The following NHSL2 variants were observed in gnomAD, a reference collection of about 807,000 sequenced individuals.
NHSL2 encodes NHS like 2.
In NHSL2, 27 loss-of-function variants were observed where a neutral mutation model predicts 53.4. The ratio of observed to expected loss-of-function variants is 0.51; its 90% CI spans 0.37 to 0.70. The LOEUF is 0.70. Among genes scored for constraint, NHSL2 ranks in the 30% least tolerant of loss-of-function variants. NHSL2 has a pLI of 0.00. For missense variants in NHSL2, 892 were observed against 980.1 expected, an observed-to-expected ratio of 0.91 and a Z score of 1.20; for synonymous variants, 408 against 404.1, an observed-to-expected ratio of 1.01 and a Z score of -0.12.
intron 1 of NHSL2, among the ~76,000 whole-genome samples, chrX:72,121,177 CG>C (rs2042178778): frequency 8.9e-6 from 1 of 112,026 alleles, no homozygotes; most frequent in Non-Finnish European, 1.9e-5. Flanking sequence ...AGCTGACAGA[CG>C]GTAAAGTCAG....
At chrX:71,958,146 C>T (rs917428906) in intron 1 of NHSL2, among the ~76,000 whole-genome samples, 1 of 110,736 alleles carries the variant, frequency 9.0e-6, no homozygotes, top group African/African-American at 3.3e-5. Flanking sequence ...AGACTTAGGG[C>T]CAGAAGTCTC....
rs1191331592 is a variant in NHSL2, at chrX:72,132,097, G to A, written c.299G>A (p.Arg100Gln). Residue 100 changes from arginine to glutamine, a missense_variant, in exon 2 of 8, where the codon CGG (arginine) becomes CAG (glutamine). Physicochemically the swap from Arg to Gln is conservative, Grantham distance 43. Coordinates refer to ENST00000633930, the MANE Select transcript of NHSL2 (RefSeq NM_001013627.3). ...TCCCTAGCTGCAGCTAACTCGGGTC[G>A]GGAAAATGCGACAGCGACTGCCCAC... The part of the protein sequence containing the change: ...EEELAAANSG[R>Q]ENATATAHSR... 6 of 1,165,462 alleles carry A rather than the reference G, an allele frequency of 5.1e-6. No individual in the cohort carries two copies. The highest frequency in any genetic ancestry group is 2.6e-5 in the Admixed American group (1 of 38,627).
At chrX:72,117,878 A>T (rs1300939804) in intron 1 of NHSL2, among the ~76,000 whole-genome samples, 1 of 108,142 alleles carries the variant, frequency 9.2e-6, no homozygotes, top group Non-Finnish European at 1.9e-5. Flanking sequence ...CAGTTGATGA[A>T]CATTTTGACT....
intron 1 of NHSL2, among the ~76,000 whole-genome samples, chrX:72,113,976 AT>A (rs1184509343): frequency 8.9e-6 from 1 of 112,034 alleles, no homozygotes; most frequent in Admixed American, 9.4e-5. Context: ...CTGAGTCTTC[AT>A]TTTCCCATTC....
chrX:72,101,886 G>C (rs1047304272), intron 1 of NHSL2, among the ~76,000 whole-genome samples: 2 of 111,752 alleles, frequency 1.8e-5, no homozygotes, highest in Admixed American at 1.9e-4. Context: ...AATCATGCCT[G>C]GGCTAGGAAG....
chrX:71,957,521 C>G (rs1438559375), intron 1 of NHSL2, among the ~76,000 whole-genome samples: 1 of 112,005 alleles, frequency 8.9e-6, no homozygotes, highest in Non-Finnish European at 1.9e-5. Context: ...CTGACTTGGC[C>G]TCCCAAAGTG....
chrX:71,926,426 G>T (rs1237205921), intron 1 of NHSL2, among the ~76,000 whole-genome samples: 2 of 111,655 alleles, frequency 1.8e-5, no homozygotes, highest in African/African-American at 6.5e-5. Flanking sequence ...TCAAGTAATA[G>T]ATACTGGTTT....
intron 1 of NHSL2, among the ~76,000 whole-genome samples, chrX:72,125,871 C>T (rs772207108): frequency 3.0e-4 from 34 of 112,354 alleles, no homozygotes; most frequent in Non-Finnish European, 6.0e-4. Context: ...GCACCTGATG[C>T]GTGCTTCGTT....
At chrX:71,951,810 C>G (rs1427892453) in intron 1 of NHSL2, among the ~76,000 whole-genome samples, 2 of 112,420 alleles carry the variant, frequency 1.8e-5, no homozygotes, top group Non-Finnish European at 3.7e-5. Flanking sequence ...AAGGCTGCAA[C>G]CTTACAGCCA....
intron 1 of NHSL2, among the ~76,000 whole-genome samples, chrX:72,013,760 T>C (rs2042125361): frequency 9.0e-6 from 1 of 111,032 alleles, no homozygotes; most frequent in African/African-American, 3.3e-5. Flanking sequence ...GTTAAGGAAG[T>C]TCCCTTTTTG....
chrX:72,110,221 C>A (rs1252939848), intron 1 of NHSL2, among the ~76,000 whole-genome samples: 2 of 111,613 alleles, frequency 1.8e-5, no homozygotes, highest in Non-Finnish European at 1.9e-5. Flanking sequence ...CACACACACC[C>A]CCGCTCCACC....
intron 1 of NHSL2, chrX:72,131,803 G>A (rs2042304739): frequency 4.3e-6 from 1 of 232,201 alleles, no homozygotes; most frequent in Non-Finnish European, 7.5e-6. Flanking sequence ...GCCCGGAGGC[G>A]CCAGGCGGAG....
At chrX:71,974,043 G>T (rs2041937894) in intron 1 of NHSL2, among the ~76,000 whole-genome samples, 2 of 112,132 alleles carry the variant, frequency 1.8e-5, no homozygotes, top group South Asian at 7.4e-4. Context: ...ATATTTAGTA[G>T]ATTTTCTTGA....
Position 72,143,917 on chromosome X carries a change from C to CTG in NHSL2, c.*344_*345dup, listed in dbSNP as rs1448703233. On this transcript the variant is annotated 3_prime_UTR_variant, in exon 8 of 8. Transcript: ENST00000633930. ...ATTCAGTGACCCGGCTGCTCCATCCCTGGCTCCTGTCACTGAGGAGTGCAG... is the reference window on the plus strand; with the variant it reads ...ATTCAGTGACCCGGCTGCTCCATCCCTGTGGCTCCTGTCACTGAGGAGTGCAG... 1 of 148,654 alleles carries CTG rather than the reference C, an allele frequency of 6.7e-6. No homozygotes were observed. Among genetic ancestry groups the CTG allele is most frequent in the African/African-American group, 3.1e-5 (1 of 31,750 alleles). 12.3% of individuals were successfully genotyped at this position (148,654 alleles called of 1,213,427 possible). A position where few individuals can be genotyped will look rare whatever the true frequency, so the allele number is the denominator to read the frequency against.
chrX:71,917,146 G>T lies in NHSL2; in HGVS notation c.280+5779G>T, dbSNP rs767632642. On this transcript the variant is annotated intron_variant, in intron 1 of 7. Transcript: ENST00000633930. ...TGTTTATTAAGTGTACAGGTAGTTTGCAGTAAAGTGCTTTGTATGAGGTCA... is the reference window on the plus strand; with the variant it reads ...TGTTTATTAAGTGTACAGGTAGTTTTCAGTAAAGTGCTTTGTATGAGGTCA... Among the ~76,000 whole-genome samples, 12 of 111,998 alleles carry T rather than the reference G, an allele frequency of 1.1e-4. No homozygotes were observed. The East Asian group carries it at 3.1e-3, about 29-fold the overall frequency.
At position 72,056,889 on chromosome X, in the gene NHSL2, C is replaced by T. The variant is rs149661844; in HGVS notation, c.281-75190C>T. On this transcript the variant is annotated intron_variant, in intron 1 of 7. Transcript: ENST00000633930. ...CTGGCTCTTGAGGCCGGACTACCTA[C>T]CATCTCCTACTTTTAGACGATGATA... Among the ~76,000 whole-genome samples the T allele has an allele frequency of 1.2e-4, 13 of 112,554 alleles. No homozygotes were observed. In the East Asian group the frequency reaches 3.6e-3, roughly 31 times the overall value.
intron 1 of NHSL2, among the ~76,000 whole-genome samples, chrX:72,015,168 G>A (rs968006020): frequency 9.0e-6 from 1 of 111,176 alleles, no homozygotes; most frequent in Non-Finnish European, 1.9e-5. Context: ...ACCACATGCC[G>A]TTCCTTGAGT....
intron 1 of NHSL2, among the ~76,000 whole-genome samples, chrX:72,068,319 T>A (rs1325905065): frequency 8.9e-6 from 1 of 112,251 alleles, no homozygotes; most frequent in Non-Finnish European, 1.9e-5. Context: ...AAGCTCTGCT[T>A]TCTGGATGGC....
intron 1 of NHSL2, chrX:72,044,662 G>A (rs2042295149): frequency 1.3e-5 from 15 of 1,167,273 alleles, no homozygotes; most frequent in South Asian, 1.8e-5. Flanking sequence ...TAAGAAATTC[G>A]TCATTCGAAA....
Sources: gnomAD v4.1 joint callset for allele counts (sites outside exome capture counted in the v4.1 genomes callset) on GRCh38, gnomAD v4.1.1 for gene constraint, MANE v1.5 for transcripts, NCBI Gene and HGNC (gene_info 2026-07-23, HGNC 2026-07-21) for gene names.